The following GARIN5B variants were observed in gnomAD, a reference collection of about 807,000 sequenced individuals.
The protein encoded by GARIN5B is golgi associated RAB2 interactor family member 5B.
chr19:55,358,233 T>C, the GARIN5B span: 6,378 of 1,550,686 alleles, frequency 4.1e-3, 16 homozygotes, highest in African/African-American at 7.2e-3. Flanking sequence ...TCTAAGAGCA[T>C]GGGCAAAAGA....
the GARIN5B span, chr19:55,354,929 A>C: frequency 4.6e-6 from 1 of 219,750 alleles, no homozygotes. Context: ...CTCAAGCTTT[A>C]ATCTCTGCGA....
chr19:55,362,505 T>TGGGAGA, the GARIN5B span: 1 of 1,252,990 alleles, frequency 8.0e-7, no homozygotes, highest in Non-Finnish European at 1.0e-6. Flanking sequence ...GGGATCATCC[T>TGGGAGA]GGGAGAGGGA....
chr19:55,359,805 A>G, the GARIN5B span: 1 of 1,551,406 alleles, frequency 6.4e-7, no homozygotes, highest in Non-Finnish European at 8.7e-7. Context: ...GCAGACGACA[A>G]AGTGCTGCCC....
At chr19:55,359,600 G>T in the GARIN5B span, 1 of 1,551,356 alleles carries the variant, frequency 6.4e-7, no homozygotes, top group South Asian at 1.2e-5. Flanking sequence ...AGGTACAGCT[G>T]GGAGCTTCTG....
At chr19:55,362,367 A>T in the GARIN5B span, 1 of 1,550,522 alleles carries the variant, frequency 6.4e-7, no homozygotes, top group Non-Finnish European at 8.7e-7. Context: ...CGGACCCAGC[A>T]GTGGAACAGG....
chr19:55,362,169 G>A, the GARIN5B span: 2 of 1,438,168 alleles, frequency 1.4e-6, no homozygotes, highest in Non-Finnish European at 1.8e-6. Flanking sequence ...TGGGCTCTTG[G>A]TCGCAGTCCC....
At chr19:55,362,297 G>A in the GARIN5B span, 3 of 1,549,420 alleles carry the variant, frequency 1.9e-6, no homozygotes, top group African/African-American at 1.4e-5. Flanking sequence ...ATCCAGGGGG[G>A]CCGTGCGCGT....
At chr19:55,360,662 G>GCCTGGGC in the GARIN5B span, 1 of 1,545,640 alleles carries the variant, frequency 6.5e-7, no homozygotes, top group Non-Finnish European at 8.7e-7. Flanking sequence ...CAGCTCTGGG[G>GCCTGGGC]CCTGGGCCCT....
chr19:55,361,067 C>T, the GARIN5B span: 12 of 1,551,040 alleles, frequency 7.7e-6, no homozygotes, highest in Admixed American at 3.9e-5. Context: ...GGCACAGAGT[C>T]GCCCACGGCC....
chr19:55,359,895 C>T, the GARIN5B span: 1 of 1,551,478 alleles, frequency 6.4e-7, no homozygotes, highest in Non-Finnish European at 8.7e-7. Flanking sequence ...AAGAAGCCAT[C>T]AGGGCTGTCA....
At chr19:55,359,476 G>A in the GARIN5B span, 4,160 of 1,547,054 alleles carry the variant, frequency 2.7e-3, 10 homozygotes, top group Non-Finnish European at 3.1e-3. Flanking sequence ...GAGCAGGTAC[G>A]GCTGGGGCCT....
the GARIN5B span, chr19:55,358,827 C>A: frequency 1.3e-6 from 2 of 1,546,558 alleles, no homozygotes; most frequent in Non-Finnish European, 1.7e-6. Context: ...GAGGGGCCCT[C>A]GACGGCCAGT....
At chr19:55,361,381 G>C in the GARIN5B span, 8 of 1,535,164 alleles carry the variant, frequency 5.2e-6, no homozygotes, top group Non-Finnish European at 7.0e-6. Flanking sequence ...AGAACCCAGA[G>C]GTCCTGACAA....
chr19:55,362,891 G>T, the GARIN5B span: 2 of 1,485,518 alleles, frequency 1.3e-6, no homozygotes, highest in Non-Finnish European at 1.8e-6. Flanking sequence ...GTCCCTCTCA[G>T]CCCCGGGGCA....
At chr19:55,359,804 A>G in the GARIN5B span, 1 of 1,551,424 alleles carries the variant, frequency 6.4e-7, no homozygotes, top group Non-Finnish European at 8.7e-7. Flanking sequence ...AGCAGACGAC[A>G]AAGTGCTGCC....
chr19:55,355,409 G>A, the GARIN5B span: 1 of 1,517,892 alleles, frequency 6.6e-7, no homozygotes. Flanking sequence ...GGGGTACCCA[G>A]GGCTTTAAGA....
chr19:55,361,024 A>T, the GARIN5B span: 1 of 1,551,030 alleles, frequency 6.4e-7, no homozygotes, highest in East Asian at 2.4e-5. Flanking sequence ...TTTCTTCCTG[A>T]CGTCAGCATG....
the GARIN5B span, among the ~76,000 whole-genome samples, chr19:55,361,817 C>CAGA: frequency 1.4e-3 from 135 of 98,620 alleles, 1 homozygote; most frequent in African/African-American, 4.9e-3. Flanking sequence ...CCCAGGAGTC[C>CAGA]CCCAGCCCCT....
chr19:55,355,180 C>T, the GARIN5B span: 1 of 88,946 alleles, frequency 1.1e-5, no homozygotes, highest in Non-Finnish European at 2.3e-5. Context: ...CCTCCGTTAC[C>T]CGCCCCCCCC....
Sources: allele counts gnomAD v4.1 joint callset (sites outside exome capture counted in the v4.1 genomes callset), GRCh38; gene constraint gnomAD v4.1.1; transcripts MANE v1.5; gene names NCBI Gene and HGNC (gene_info 2026-07-23, HGNC 2026-07-21).